The following RNLS variants were observed in gnomAD, a reference collection of about 807,000 sequenced individuals.
RNLS encodes renalase, FAD dependent amine oxidase, also known as renalase.
A neutral mutation model predicts 39.8 loss-of-function variants in RNLS; 39 were observed. The observed-to-expected ratio is 0.98, with a 90% CI of 0.76 to 1.28. RNLS has a LOEUF of 1.28. RNLS is among the 50% of genes most tolerant of loss of function. The pLI is 0.00. For synonymous variants in RNLS, 147 were observed against 150.7 expected (o/e 0.98, Z 0.18); for missense variants, 410 against 413.3 (o/e 0.99, Z 0.07).
intron 5 of RNLS, among the ~76,000 whole-genome samples, chr10:88,360,217 A>G (rs956827642): frequency 2.0e-5 from 3 of 152,126 alleles, no homozygotes; most frequent in Non-Finnish European, 4.4e-5. Flanking sequence ...ACAAAACTCT[A>G]TTTTATTCAG....
chr10:88,197,617 G>T, the RNLS span, among the ~76,000 whole-genome samples: 1 of 152,188 alleles, frequency 6.6e-6, no homozygotes, highest in Non-Finnish European at 1.5e-5. Flanking sequence ...CAATGACATG[G>T]ATTGAATTGT....
At chr10:88,198,720 G>GCTTCCC in the RNLS span, among the ~76,000 whole-genome samples, 1 of 152,044 alleles carries the variant, frequency 6.6e-6, no homozygotes, top group Non-Finnish European at 1.5e-5. Context: ...TAGCATGCCT[G>GCTTCCC]CTTCCCCTTC....
the RNLS span, among the ~76,000 whole-genome samples, chr10:88,213,809 T>G: frequency 6.6e-6 from 1 of 152,228 alleles, no homozygotes; most frequent in Non-Finnish European, 1.5e-5. Context: ...GATCCTAGAC[T>G]TTTTCCCCGA....
chr10:88,475,538 T>TA (rs1285957963), intron 4 of RNLS, among the ~76,000 whole-genome samples: 2 of 152,138 alleles, frequency 1.3e-5, no homozygotes, highest in African/African-American at 2.4e-5. Flanking sequence ...TTAGCAGCAT[T>TA]AAAAAACCTT....
chr10:88,182,267 C>T, the RNLS span, among the ~76,000 whole-genome samples: 1 of 152,064 alleles, frequency 6.6e-6, no homozygotes, highest in Non-Finnish European at 1.5e-5. Context: ...AAATATCACC[C>T]CAGGTGACCG....
At chr10:88,187,649 G>T in the RNLS span, among the ~76,000 whole-genome samples, 1 of 152,184 alleles carries the variant, frequency 6.6e-6, no homozygotes, top group Non-Finnish European at 1.5e-5. Flanking sequence ...AAGTGGTCTG[G>T]TGGGATTGAG....
intron 4 of RNLS, among the ~76,000 whole-genome samples, chr10:88,565,364 A>G (rs2134408031): frequency 6.6e-6 from 1 of 152,262 alleles, no homozygotes; most frequent in African/African-American, 2.4e-5. Flanking sequence ...ATTTTTCTCC[A>G]GAAAACACAG....
At chr10:88,577,698 T>C (rs1437211287) in intron 3 of RNLS, among the ~76,000 whole-genome samples, 2 of 152,190 alleles carry the variant, frequency 1.3e-5, no homozygotes, top group East Asian at 1.9e-4. Context: ...ATTGTATTAA[T>C]GGAGAAGGCA....
At chr10:88,496,887 A>G (rs1196347904) in intron 4 of RNLS, among the ~76,000 whole-genome samples, 2 of 152,138 alleles carry the variant, frequency 1.3e-5, no homozygotes, top group African/African-American at 2.4e-5. Flanking sequence ...CAATATAAAC[A>G]TAGCTATGGA....
chr10:88,287,135 AT>A (rs1843330896), intron 6 of RNLS, among the ~76,000 whole-genome samples: 1 of 152,032 alleles, frequency 6.6e-6, no homozygotes, highest in Non-Finnish European at 1.5e-5. Flanking sequence ...TGCCATAGAT[AT>A]TTTTTATTTA....
intron 4 of RNLS, among the ~76,000 whole-genome samples, chr10:88,388,740 C>T (rs1035836120): frequency 2.0e-5 from 3 of 152,008 alleles, no homozygotes; most frequent in Non-Finnish European, 4.4e-5. Context: ...TTATTTGATT[C>T]CTTGTTTATC....
chr10:88,214,833 T>C, the RNLS span, among the ~76,000 whole-genome samples: 1 of 152,210 alleles, frequency 6.6e-6, no homozygotes, highest in Admixed American at 6.5e-5. Context: ...AATTCAACTG[T>C]TGAAAGAGTG....
At chr10:88,568,926 G>A (rs1849671017) in intron 4 of RNLS, among the ~76,000 whole-genome samples, 1 of 152,124 alleles carries the variant, frequency 6.6e-6, no homozygotes. Flanking sequence ...TGTAAAAAAT[G>A]CAAATTGTCC....
intron 3 of RNLS, among the ~76,000 whole-genome samples, chr10:88,574,839 C>A (rs2134457190): frequency 6.6e-6 from 1 of 152,124 alleles, no homozygotes; most frequent in East Asian, 1.9e-4. Flanking sequence ...TATCCACCAT[C>A]TCCTTTATTC....
intron 4 of RNLS, among the ~76,000 whole-genome samples, chr10:88,382,514 T>A (rs1851605452): frequency 6.6e-6 from 1 of 152,124 alleles, no homozygotes. Flanking sequence ...AGCTCATTTG[T>A]TTCCCAAGCA....
At chr10:88,181,812 A>T in the RNLS span, among the ~76,000 whole-genome samples, 1 of 152,124 alleles carries the variant, frequency 6.6e-6, no homozygotes. Flanking sequence ...TATAGTGTTT[A>T]CAGTATAACT....
At chr10:88,366,664 A>G (rs970596174) in intron 4 of RNLS, among the ~76,000 whole-genome samples, 10 of 39,716 alleles carry the variant, frequency 2.5e-4, no homozygotes, top group East Asian at 1.7e-3. Flanking sequence ...AAGTTTTCTG[A>G]AAAAAAAAAA....
intron 4 of RNLS, among the ~76,000 whole-genome samples, chr10:88,420,647 G>A (rs1319053924): frequency 3.9e-5 from 6 of 152,184 alleles, no homozygotes; most frequent in African/African-American, 9.7e-5. Flanking sequence ...GGATAATCCA[G>A]AATGACCCTC....
chr10:88,464,024 T>C (rs1219761852), intron 4 of RNLS, among the ~76,000 whole-genome samples: 1 of 152,074 alleles, frequency 6.6e-6, no homozygotes, highest in Non-Finnish European at 1.5e-5. Flanking sequence ...CCAAGCTAGA[T>C]GTCTGGAAAC....
Sources: allele counts gnomAD v4.1 joint callset (sites outside exome capture counted in the v4.1 genomes callset), GRCh38; gene constraint gnomAD v4.1.1; transcripts MANE v1.5; gene names NCBI Gene and HGNC (gene_info 2026-07-23, HGNC 2026-07-21).